DOCK5: variants seen among roughly 807,000 people sequenced by gnomAD.
DOCK5 encodes dedicator of cytokinesis protein 5.
DOCK5 carries 142 observed loss-of-function variants against 251.8 expected under a neutral mutation model. The ratio of observed to expected loss-of-function variants is 0.56; its 90% CI spans 0.49 to 0.65. DOCK5 has a LOEUF of 0.65. Ranked by LOEUF, DOCK5 falls within the 30% of genes least tolerant of loss-of-function variation. The pLI, the probability that DOCK5 is intolerant of heterozygous loss-of-function variation, is 0.00. For synonymous variants in DOCK5, 842 were observed against 835.5 expected (o/e 1.01, Z -0.13); for missense variants, 2,111 against 2,312.3 (o/e 0.91, Z 1.79).
At chr8:25,226,040 T>C (rs1005058980) in intron 1 of DOCK5, among the ~76,000 whole-genome samples, 1 of 152,168 alleles carries the variant, frequency 6.6e-6, no homozygotes, top group African/African-American at 2.4e-5. Flanking sequence ...GTGAATGTTA[T>C]GCTATGTTTA....
At position 25,411,488 on chromosome 8, in the gene DOCK5, A is replaced by C. The variant is rs1439065453; in HGVS notation, c.*190A>C. 2.7e-6 allele frequency: 2 copies of C among 739,352 alleles called. No homozygotes were observed. Among genetic ancestry groups the C allele is most frequent in the South Asian group, 4.1e-5 (1 of 24,138 alleles). The allele number at this position is 739,352 out of a possible 1,614,324, so 45.8% of individuals were successfully genotyped here. Reference sequence around the variant, plus strand: ...TTTGATAGAATTTTGAGGCCATGCCACCTCCCTTCCAGTCCACATGGAATT... The same window carrying C: ...TTTGATAGAATTTTGAGGCCATGCCCCCTCCCTTCCAGTCCACATGGAATT... On this transcript the variant is annotated 3_prime_UTR_variant, in exon 52 of 52. Coordinates refer to ENST00000276440, the MANE Select transcript of DOCK5 (RefSeq NM_024940.8).
intron 11 of DOCK5, among the ~76,000 whole-genome samples, chr8:25,306,969 A>C (rs189471140): frequency 5.3e-5 from 8 of 152,208 alleles, no homozygotes; most frequent in Non-Finnish European, 1.2e-4. Context: ...CTGTCCAGCA[A>C]GCTACTGTAC....
chr8:25,224,367 C>T (rs1413766849), intron 1 of DOCK5, among the ~76,000 whole-genome samples: 1 of 152,212 alleles, frequency 6.6e-6, no homozygotes, highest in Admixed American at 6.5e-5. Context: ...GATCTGCCCA[C>T]CTTGGCCTCC....
chr8:25,336,194 A>G (rs1171300344), intron 21 of DOCK5, 45 bp from the exon 22 acceptor site: 2 of 1,589,908 alleles, frequency 1.3e-6, no homozygotes, highest in Non-Finnish European at 8.6e-7. Context: ...GCCTCAGAGT[A>G]TCCTGTTGCT....
rs189890358 is a variant in DOCK5, at chr8:25,194,083, C to T, written c.43+9132C>T. Among the ~76,000 whole-genome samples the T allele has an allele frequency of 3.1e-3, 459 of 148,858 alleles. 1 individual carries two copies. The highest frequency in any genetic ancestry group is 5.4e-3 in the Non-Finnish European group (367 of 67,520). On this transcript the variant is annotated intron_variant, in intron 1 of 51. Coordinates refer to ENST00000276440, the MANE Select transcript of DOCK5 (RefSeq NM_024940.8). ...GGTGTATCACCTGAGGTCAGAAGTT[C>T]GAGACCAGCCTGGCCAACATGGCGA...
chr8:25,228,741 T>C (rs1398218470), intron 1 of DOCK5, among the ~76,000 whole-genome samples: 5 of 152,224 alleles, frequency 3.3e-5, no homozygotes, highest in African/African-American at 4.8e-5. Flanking sequence ...TTAACCTTTT[T>C]TCACATGTTT....
chr8:25,230,710 G>C (rs1802647135), intron 1 of DOCK5, among the ~76,000 whole-genome samples: 2 of 152,130 alleles, frequency 1.3e-5, no homozygotes, highest in East Asian at 3.9e-4. Context: ...AATTTGCCAG[G>C]TGTGGTGGTG....
intron 13 of DOCK5, among the ~76,000 whole-genome samples, chr8:25,314,136 G>T (rs1805173757): frequency 8.6e-6 from 1 of 116,718 alleles, no homozygotes. Flanking sequence ...TTTGAGGCAA[G>T]GTCTTGCTCT....
At chr8:25,363,216 C>A in intron 29 of DOCK5, 75 bp downstream of exon 29, 1 of 1,233,130 alleles carries the variant, frequency 8.1e-7, no homozygotes, top group South Asian at 1.3e-5. Context: ...TGGGAAATGT[C>A]TTTAAATCCC....
rs575254418 is a variant in DOCK5 at position 25,291,929 on chromosome 8, T to G, written c.322-95T>G. On this transcript the variant is annotated intron_variant, in intron 5 of 51. Transcript: ENST00000276440. ...ATGTTCCCTCTCATCTGTCTGACAT[T>G]CCCGTTAAAAACAAACAAATAAAAA... 113 of 1,223,432 alleles carry G rather than the reference T, an allele frequency of 9.2e-5. No homozygotes were observed. In the African/African-American group the frequency reaches 1.7e-3, roughly 18 times the overall value. 75.8% of individuals were successfully genotyped at this position (1,223,432 alleles called of 1,614,324 possible).
Position 25,325,486 on chromosome 8 carries a change from T to C in DOCK5, c.1842T>C (p.Asp614=), listed in dbSNP as rs758903987. 7 of 1,613,776 alleles carry C rather than the reference T, an allele frequency of 4.3e-6. No homozygotes were observed. The highest frequency in any genetic ancestry group is 1.1e-5 in the South Asian group (1 of 91,088). ...KNLVTFTPSK[D]STKDSFQIAT... is the part of the protein sequence containing the mutation. ...TGGTCACCTTCACCCCAAGCAAGGA[T>C]AGCACTAAAGACAGCTTTCAGATTG... Residue 614 remains aspartate (D), a synonymous_variant, in exon 18 of 52, where the codon GAT becomes GAC. Coordinates refer to ENST00000276440, the MANE Select transcript of DOCK5 (RefSeq NM_024940.8).
chr8:25,397,310 A>C (rs925033112), intron 45 of DOCK5, among the ~76,000 whole-genome samples: 2 of 152,128 alleles, frequency 1.3e-5, no homozygotes, highest in African/African-American at 4.8e-5. Flanking sequence ...TGTAGAAGGA[A>C]CATCAGACAG....
intron 1 of DOCK5, among the ~76,000 whole-genome samples, chr8:25,198,598 A>G (rs1388566119): frequency 6.6e-6 from 1 of 152,104 alleles, no homozygotes; most frequent in African/African-American, 2.4e-5. Flanking sequence ...TAAGTCATAA[A>G]TAAGACTCAG....
chr8:25,368,154 C>G, intron 31 of DOCK5, 38 bp from the exon 32 acceptor site: 1 of 1,518,410 alleles, frequency 6.6e-7, no homozygotes. Flanking sequence ...TTCATTTCTA[C>G]TGAAAATCCT....
At chr8:25,328,729 A>G (rs1330430851) in intron 18 of DOCK5, among the ~76,000 whole-genome samples, 2 of 152,154 alleles carry the variant, frequency 1.3e-5, no homozygotes, top group East Asian at 3.9e-4. Flanking sequence ...AAACAGACCA[A>G]TTTGTGTGGG....
chr8:25,273,589 C>CAAG (rs1159427237), intron 3 of DOCK5, among the ~76,000 whole-genome samples: 2 of 152,174 alleles, frequency 1.3e-5, no homozygotes, highest in African/African-American at 4.8e-5. Flanking sequence ...GGCAACAGAG[C>CAAG]AAGACTCTGT....
rs568991756 is a variant in DOCK5, at chr8:25,307,425, G to A, written c.1050-1358G>A. Among the ~76,000 whole-genome samples the A allele has an allele frequency of 9.5e-3, 1,450 of 152,086 alleles. 14 individuals carry two copies. The highest frequency in any genetic ancestry group is 0.016 in the Non-Finnish European group (1,099 of 67,976). On this transcript the variant is annotated intron_variant, in intron 11 of 51. Transcript: ENST00000276440. ...TGAGCCATCATGCCTGGCCAGCTCC[G>A]TTATAATCTTATGGGACCATGGTCA...
chr8:25,200,617 A>C (rs1310004438), intron 1 of DOCK5, among the ~76,000 whole-genome samples: 2 of 152,240 alleles, frequency 1.3e-5, no homozygotes, highest in East Asian at 3.8e-4. Flanking sequence ...AAGATAAAAC[A>C]GTGGAAGCTC....
intron 1 of DOCK5, among the ~76,000 whole-genome samples, chr8:25,232,265 C>CTGCAATGCAGAATGCAATGCAA (rs1169633420): frequency 2.1e-4 from 17 of 80,158 alleles, no homozygotes; most frequent in Admixed American, 5.3e-4. Flanking sequence ...TGGGAGGATT[C>CTGCAATGCAGAATGCAATGCAA]TGCAATGCAG....
Sources: allele counts gnomAD v4.1 joint callset (sites outside exome capture counted in the v4.1 genomes callset), GRCh38; gene constraint gnomAD v4.1.1; transcripts MANE v1.5; gene names NCBI Gene and HGNC (gene_info 2026-07-23, HGNC 2026-07-21).